Variants in ST3GAL2 observed in about 807,000 individuals in gnomAD.
ST3GAL2 encodes the protein CMP-N-acetylneuraminate-beta-galactosamide-alpha-2,3-sialyltransferase 2.
ST3GAL2 carries 16 observed loss-of-function variants against 37.5 expected under a neutral mutation model. That is an observed-to-expected ratio of 0.43 (90% CI 0.29 to 0.65). The LOEUF (loss-of-function observed/expected upper bound fraction) is 0.65, where lower values mean the gene tolerates loss of function less well. ST3GAL2 is among the 30% of genes least tolerant of loss of function. The pLI, the probability that ST3GAL2 is intolerant of heterozygous loss-of-function variation, is 0.17. For missense variants in ST3GAL2, 383 were observed against 487.8 expected (o/e 0.79, Z 2.02); for synonymous variants, 238 against 202.9 (o/e 1.17, Z -1.47).
intron 1 of ST3GAL2, among the ~76,000 whole-genome samples, chr16:70,421,171 G>A (rs1010969248): frequency 1.3e-5 from 2 of 152,224 alleles, no homozygotes; most frequent in African/African-American, 4.8e-5. Context: ...ATGGTCCCGA[G>A]CTCCAGCTGA....
intron 1 of ST3GAL2, among the ~76,000 whole-genome samples, chr16:70,409,834 GAC>G (rs1352348151): frequency 8.2e-6 from 1 of 121,274 alleles, no homozygotes; most frequent in Non-Finnish European, 1.7e-5. Context: ...TTTTCATAAA[GAC>G]AGGGTCTTGC....
At position 70,392,382 on chromosome 16, in the gene ST3GAL2, A is replaced by G. The variant is rs193246454; in HGVS notation, c.533+2600T>C. On this transcript the variant is annotated intron_variant, in intron 3 of 6. Coordinates refer to ENST00000342907, the MANE Select transcript of ST3GAL2 (RefSeq NM_006927.4). ...CTGGCACTCGGGAACACAGCATTCT[A>G]GAAATCTATCTGTCCTTGGCTGCCT... Among the ~76,000 whole-genome samples, 30 of 152,340 alleles carry G rather than the reference A, an allele frequency of 2.0e-4. 1 individual carries two copies. The highest frequency in any genetic ancestry group is 8.3e-4 in the South Asian group (4 of 4,826).
rs1367670339 is a variant in ST3GAL2 at position 70,401,814 on chromosome 16, G to A, written c.-1003-2281C>T. 2.6e-5 allele frequency among the ~76,000 whole-genome samples: 4 copies of A among 152,024 alleles called. No homozygotes were observed. The East Asian group carries it at 7.7e-4, about 29-fold the overall frequency. ...TCAAGACCAGCCTGGCCAACATGGT[G>A]AAACCCCATCTCTACTAAAAATACA... On this transcript the variant is annotated intron_variant, in intron 1 of 6. Transcript: ENST00000342907.
At chr16:70,382,494 G>A (rs1287020880) in intron 6 of ST3GAL2, among the ~76,000 whole-genome samples, 1 of 152,062 alleles carries the variant, frequency 6.6e-6, no homozygotes, top group Non-Finnish European at 1.5e-5. Flanking sequence ...ATGTTGGCCA[G>A]GCTGGTCTTG....
intron 2 of ST3GAL2, among the ~76,000 whole-genome samples, chr16:70,396,758 G>C (rs538410177): frequency 3.6e-4 from 55 of 152,280 alleles, no homozygotes; most frequent in African/African-American, 1.3e-3. Flanking sequence ...GGAGCCTGCA[G>C]GGACTCAGTG....
chr16:70,418,448 T>G (rs1375360649), intron 1 of ST3GAL2, among the ~76,000 whole-genome samples: 1 of 152,182 alleles, frequency 6.6e-6, no homozygotes, highest in Non-Finnish European at 1.5e-5. Flanking sequence ...GGGTCCCAAC[T>G]GGAGGCTTTT....
chr16:70,428,386 T>C (rs934793918), intron 1 of ST3GAL2, among the ~76,000 whole-genome samples: 8 of 152,316 alleles, frequency 5.3e-5, no homozygotes, highest in Admixed American at 1.3e-4. Flanking sequence ...ATTACAAAAC[T>C]CAAGGAGTCT....
At position 70,398,489 on chromosome 16, in the gene ST3GAL2, G is replaced by T; in HGVS notation, c.42C>A (p.Phe14Leu). The T allele has an allele frequency of 6.2e-7, 1 of 1,612,764 alleles. No homozygotes were observed. The highest frequency in any genetic ancestry group is 8.5e-7 in the Non-Finnish European group (1 of 1,179,820). The change falls in exon 2 of 7, where the codon TTC (phenylalanine) becomes TTA (leucine). Residue 14 changes from phenylalanine to leucine, a missense_variant. Physicochemically the swap from Phe to Leu is conservative, Grantham distance 22 (BLOSUM62 0). This residue lies in a region of ST3GAL2 where 223 missense variants were observed against 239.1 expected (regional missense o/e 0.93). Transcript: ENST00000342907. The part of the protein sequence containing the change: ...SLRVWFLSVA[F>L]LLVFIMSLLF... ...GCAGGGACATGATGAACACCAGCAGGAAGGCCACGGAGAGGAACCACACCC... is the reference window on the plus strand; with the variant it reads ...GCAGGGACATGATGAACACCAGCAGTAAGGCCACGGAGAGGAACCACACCC...
At chr16:70,383,731 A>G (rs939527009) in intron 4 of ST3GAL2, among the ~76,000 whole-genome samples, 85 of 152,036 alleles carry the variant, frequency 5.6e-4, no homozygotes, top group African/African-American at 1.9e-3. Flanking sequence ...GCCAGGCCTG[A>G]GCAATGTCAG....
At chr16:70,415,818 A>C (rs1315637841) in intron 1 of ST3GAL2, among the ~76,000 whole-genome samples, 1 of 127,736 alleles carries the variant, frequency 7.8e-6, no homozygotes, top group Non-Finnish European at 1.6e-5. Flanking sequence ...CCCAGCCTGG[A>C]GTGCAGTGGC....
intron 1 of ST3GAL2, among the ~76,000 whole-genome samples, chr16:70,433,942 C>G (rs1416271194): frequency 3.9e-5 from 6 of 152,222 alleles, no homozygotes; most frequent in African/African-American, 1.4e-4. Flanking sequence ...CTCCAGCCCA[C>G]AGGCACTGCT....
chr16:70,382,805 C>G lies in ST3GAL2; in HGVS notation c.879G>C (p.Glu293Asp). ...VLFFALHVCD[E>D]VNVYGFGADS... ...CCACCCACACCACGGGCCTACCCAC[C>G]TCATCACACACATGCAGGGCAAAGA... Residue 293 changes from glutamate to aspartate, a missense_variant and splice_region_variant, in exon 6 of 7, where the codon GAG (glutamate) becomes GAC (aspartate). By Grantham distance (45) the Glu-to-Asp change is conservative. Coordinates refer to ENST00000342907, the MANE Select transcript of ST3GAL2 (RefSeq NM_006927.4). 1 of 1,614,062 alleles carries G rather than the reference C, an allele frequency of 6.2e-7. No homozygotes were observed. The highest frequency in any genetic ancestry group is 8.5e-7 in the Non-Finnish European group (1 of 1,179,976).
intron 1 of ST3GAL2, among the ~76,000 whole-genome samples, chr16:70,413,013 C>T (rs563131628): frequency 2.0e-5 from 3 of 152,274 alleles, no homozygotes; most frequent in East Asian, 1.9e-4. Flanking sequence ...CTTTGGGAGG[C>T]GGAGGCAGGT....
At chr16:70,406,487 G>A (rs918247532) in intron 1 of ST3GAL2, among the ~76,000 whole-genome samples, 6 of 151,984 alleles carry the variant, frequency 3.9e-5, no homozygotes, top group African/African-American at 1.4e-4. Flanking sequence ...CTCCAGCCTG[G>A]GCTGGAGTGG....
chr16:70,398,070 C>T lies in ST3GAL2; in HGVS notation c.339+122G>A. ...CTCTGCCCTTCAGTAATCTGTGATC[C>T]TATAAATGGCTTGGTCAAACAGGCA... On this transcript the variant is annotated intron_variant, in intron 2 of 6. Coordinates refer to ENST00000342907, the MANE Select transcript of ST3GAL2 (RefSeq NM_006927.4). 15 of 1,009,688 alleles carry T rather than the reference C, an allele frequency of 1.5e-5. No individual in the cohort carries two copies. The South Asian group carries it at 2.4e-4, about 16-fold the overall frequency. 62.5% of individuals were successfully genotyped at this position (1,009,688 alleles called of 1,614,324 possible).
rs2047541304 is a variant in ST3GAL2 at position 70,399,541 on chromosome 16, G to A, written c.-1003-8C>T. 5.0e-6 allele frequency: 2 copies of A among 397,798 alleles called. No individual in the cohort carries two copies. The highest frequency in any genetic ancestry group is 8.8e-6 in the Non-Finnish European group (2 of 226,104). 24.6% of individuals were successfully genotyped at this position (397,798 alleles called of 1,614,324 possible). A position where few individuals can be genotyped will look rare whatever the true frequency, so the allele number is the denominator to read the frequency against. The stretch of plus-strand genomic sequence containing the variant: ...GGCTGCCGCAGCACGACCCTAGAAT[G>A]GCAGAGAGGAGAAATAATGTGCGGA... On this transcript the variant is annotated splice_region_variant and splice_polypyrimidine_tract_variant and intron_variant, in intron 1 of 6. Transcript: ENST00000342907.
At chr16:70,420,414 C>T (rs2151674615) in intron 1 of ST3GAL2, among the ~76,000 whole-genome samples, 1 of 152,288 alleles carries the variant, frequency 6.6e-6, no homozygotes, top group African/African-American at 2.4e-5. Context: ...CCACCACAGC[C>T]AAGAGCCCTG....
Position 70,399,679 on chromosome 16 carries a change from T to C in ST3GAL2, c.-1003-146A>G, listed in dbSNP as rs187056831. 52 of 373,600 alleles carry C rather than the reference T, an allele frequency of 1.4e-4. No homozygotes were observed. The Middle Eastern group carries it at 2.7e-3, about 19-fold the overall frequency. The allele number at this position is 373,600 out of a possible 1,614,324, so 23.1% of individuals were successfully genotyped here. ...GGACATGACCAAGGGCTCTGCCCTC[T>C]AGCTGCACAGATAGCATCACTGTGT... On this transcript the variant is annotated intron_variant, in intron 1 of 6. Coordinates refer to ENST00000342907, the MANE Select transcript of ST3GAL2 (RefSeq NM_006927.4).
In ST3GAL2 at chr16:70,378,149, G is replaced by T. The variant is rs2047363674; in HGVS notation, c.*3540C>A. On this transcript the variant is annotated 3_prime_UTR_variant, in exon 7 of 7. Coordinates refer to ENST00000342907, the MANE Select transcript of ST3GAL2 (RefSeq NM_006927.4). ...TATAGGAGTTTTAAAAATCTATTAT[G>T]GGCTGGGTGTGGTCAAACATTGGGA... 6.6e-6 allele frequency: 1 copy of T among 152,080 alleles called. No individual in the cohort carries two copies. Among genetic ancestry groups the T allele is most frequent in the Non-Finnish European group, 1.5e-5 (1 of 68,018 alleles). 9.4% of individuals were successfully genotyped at this position (152,080 alleles called of 1,614,324 possible). A position where few individuals can be genotyped will look rare whatever the true frequency, so the allele number is the denominator to read the frequency against.
Sources: gnomAD v4.1 joint callset for allele counts (sites outside exome capture counted in the v4.1 genomes callset) on GRCh38, gnomAD v4.1.1 for gene constraint, gnomAD v4.1.1 regional missense constraint, MANE v1.5 for transcripts, NCBI Gene and HGNC (gene_info 2026-07-23, HGNC 2026-07-21) for gene names.